The following NLK variants were observed in gnomAD, a reference collection of about 807,000 sequenced individuals.
NLK encodes nemo like kinase, also known as serine/threonine-protein kinase NLK.
A neutral mutation model predicts 59.0 loss-of-function variants in NLK; 11 were observed. The ratio of observed to expected loss-of-function variants is 0.19; its 90% CI spans 0.12 to 0.31. The LOEUF (loss-of-function observed/expected upper bound fraction) is 0.31, where lower values mean the gene tolerates loss of function less well. Ranked by LOEUF, NLK falls within the 10% of genes least tolerant of loss-of-function variation. NLK has a pLI of 1.00. For synonymous variants in NLK, 235 were observed against 235.9 expected, an observed-to-expected ratio of 1.00 and a Z score of 0.03; for missense variants, 410 against 661.1, an observed-to-expected ratio of 0.62 and a Z score of 4.16.
At chr17:28,135,426 T>C (rs895328397) in intron 3 of NLK, among the ~76,000 whole-genome samples, 2 of 152,218 alleles carry the variant, frequency 1.3e-5, no homozygotes, top group Non-Finnish European at 2.9e-5. Flanking sequence ...CAAACTAATA[T>C]GGCGTAGCCC....
intron 2 of NLK, among the ~76,000 whole-genome samples, chr17:28,124,782 G>C (rs563867968): frequency 6.6e-5 from 10 of 152,120 alleles, no homozygotes; most frequent in Non-Finnish European, 1.0e-4. Flanking sequence ...GGGCGCAGTA[G>C]CTCATGCTTG....
intron 10 of NLK, 138 bp from the exon 11 acceptor site, chr17:28,194,444 T>A: frequency 1.6e-6 from 1 of 621,956 alleles, no homozygotes; most frequent in Non-Finnish European, 2.8e-6. Context: ...TAGAATAAAT[T>A]CAACTTCAAA....
intron 3 of NLK, among the ~76,000 whole-genome samples, chr17:28,139,646 G>A (rs1223601860): frequency 6.6e-6 from 1 of 152,164 alleles, no homozygotes; most frequent in East Asian, 1.9e-4. Flanking sequence ...TTTTAAAAAT[G>A]TAATATGTGA....
At chr17:28,187,345 C>G (rs956749431) in intron 8 of NLK, among the ~76,000 whole-genome samples, 4 of 152,160 alleles carry the variant, frequency 2.6e-5, no homozygotes, top group African/African-American at 9.7e-5. Flanking sequence ...GCTCTGTTGC[C>G]CAGGCTGGAG....
At chr17:28,061,601 C>G (rs958629940) in intron 1 of NLK, among the ~76,000 whole-genome samples, 1 of 151,742 alleles carries the variant, frequency 6.6e-6, no homozygotes, top group Admixed American at 6.6e-5. Context: ...AATTTTATTT[C>G]CTTAGAAGTT....
At chr17:28,144,084 A>G (rs886862942) in intron 3 of NLK, among the ~76,000 whole-genome samples, 1 of 152,146 alleles carries the variant, frequency 6.6e-6, no homozygotes, top group Non-Finnish European at 1.5e-5. Flanking sequence ...AGGCCTGAAC[A>G]TGGGAAGATA....
At chr17:28,124,117 C>T (rs757068114) in intron 2 of NLK, among the ~76,000 whole-genome samples, 2 of 152,208 alleles carry the variant, frequency 1.3e-5, no homozygotes, top group Middle Eastern at 3.2e-3. Context: ...TGACATATTT[C>T]ATTTTAATGA....
chr17:28,194,420 A>G (rs1366013773), intron 10 of NLK, among the ~76,000 whole-genome samples, 162 bp from the exon 11 acceptor site: 1 of 152,270 alleles, frequency 6.6e-6, no homozygotes, highest in Non-Finnish European at 1.5e-5. Flanking sequence ...TAACAGGTCC[A>G]TAAACAAGCA....
chr17:28,159,726 C>A (rs888148444), intron 3 of NLK, among the ~76,000 whole-genome samples: 1 of 151,894 alleles, frequency 6.6e-6, no homozygotes, highest in Non-Finnish European at 1.5e-5. Flanking sequence ...ATTATATTTT[C>A]TATATAATAA....
At chr17:28,084,977 T>G (rs1910465544) in intron 1 of NLK, among the ~76,000 whole-genome samples, 1 of 152,242 alleles carries the variant, frequency 6.6e-6, no homozygotes, top group Non-Finnish European at 1.5e-5. Flanking sequence ...TTTTAGCCAT[T>G]AGAATCAGCT....
At chr17:28,203,160 TACATAC>T in the NLK span, among the ~76,000 whole-genome samples, 23 of 127,146 alleles carry the variant, frequency 1.8e-4, no homozygotes, top group African/African-American at 7.7e-4. Context: ...TGTATATACA[TACATAC>T]ACACACACAC....
chr17:28,159,563 A>G (rs1342681461), intron 3 of NLK, among the ~76,000 whole-genome samples: 6 of 152,220 alleles, frequency 3.9e-5, no homozygotes, highest in Admixed American at 3.9e-4. Flanking sequence ...AATAATTTTA[A>G]CATGTCACTG....
intron 1 of NLK, among the ~76,000 whole-genome samples, chr17:28,056,021 A>T (rs980495829): frequency 6.6e-6 from 1 of 152,244 alleles, no homozygotes; most frequent in Non-Finnish European, 1.5e-5. Flanking sequence ...TGAAAAACGC[A>T]GAAGAGCTGA....
intron 8 of NLK, among the ~76,000 whole-genome samples, chr17:28,185,800 A>C (rs1002968447): frequency 6.6e-6 from 1 of 152,126 alleles, no homozygotes; most frequent in Non-Finnish European, 1.5e-5. Context: ...AGCCCCGCAA[A>C]GTGCTGGGAT....
chr17:28,179,877 T>TG (rs1438664128), intron 7 of NLK, among the ~76,000 whole-genome samples: 2 of 147,878 alleles, frequency 1.4e-5, no homozygotes, highest in Admixed American at 6.8e-5. Context: ...TCTTGGTTTT[T>TG]TTTTTTTTTT....
chr17:28,165,156 C>T (rs527969764), intron 5 of NLK, among the ~76,000 whole-genome samples: 2 of 152,008 alleles, frequency 1.3e-5, no homozygotes, highest in Non-Finnish European at 2.9e-5. Context: ...CAACCTATCC[C>T]CATAATCGTT....
At chr17:28,148,155 G>C (rs904475582) in intron 3 of NLK, among the ~76,000 whole-genome samples, 3 of 151,896 alleles carry the variant, frequency 2.0e-5, no homozygotes, top group Admixed American at 1.3e-4. Flanking sequence ...CCCATCAAAG[G>C]CCTGTCCTGT....
At chr17:28,131,174 A>G (rs929301853) in intron 2 of NLK, among the ~76,000 whole-genome samples, 10 of 152,108 alleles carry the variant, frequency 6.6e-5, no homozygotes, top group Non-Finnish European at 1.3e-4. Flanking sequence ...AACCTTTAAA[A>G]TGAACCGGGT....
chr17:28,163,653 C>T (rs559746118), intron 5 of NLK, 25 bp downstream of exon 5: 2 of 1,364,508 alleles, frequency 1.5e-6, no homozygotes, highest in African/African-American at 1.4e-5. Context: ...TATTTAAATA[C>T]CTGGGAAAAA....
Sources: gnomAD v4.1 joint callset for allele counts (sites outside exome capture counted in the v4.1 genomes callset) on GRCh38, gnomAD v4.1.1 for gene constraint, MANE v1.5 for transcripts, NCBI Gene and HGNC (gene_info 2026-07-23, HGNC 2026-07-21) for gene names.